Variants in PTPRG observed in about 807,000 individuals in gnomAD.
PTPRG encodes the protein protein tyrosine phosphatase receptor type G, also known as receptor-type tyrosine-protein phosphatase gamma.
A neutral mutation model predicts 165.3 loss-of-function variants in PTPRG; 102 were observed. That is an observed-to-expected ratio of 0.62 (90% CI 0.53 to 0.73). PTPRG has a LOEUF of 0.73. Ranked by LOEUF, PTPRG falls within the 30% of genes least tolerant of loss-of-function variation. The pLI is 0.00. For missense variants in PTPRG, 1,866 were observed against 1,861.4 expected (o/e 1.00, Z -0.05); for synonymous variants, 675 against 669.5 (o/e 1.01, Z -0.13).
At chr3:62,099,325 G>A (rs936920894) in intron 5 of PTPRG, among the ~76,000 whole-genome samples, 6 of 152,064 alleles carry the variant, frequency 3.9e-5, no homozygotes, top group African/African-American at 9.7e-5. Context: ...ACTAACCGTC[G>A]CTACTTCCTA....
intron 17 of PTPRG, among the ~76,000 whole-genome samples, chr3:62,266,835 TCA>T (rs879366480): frequency 1.0e-3 from 153 of 148,402 alleles, no homozygotes; most frequent in Non-Finnish European, 1.7e-3. Flanking sequence ...GATACACATG[TCA>T]TGCATCACCT....
chr3:62,244,494 C>A (rs528540462), intron 15 of PTPRG, among the ~76,000 whole-genome samples: 12 of 152,238 alleles, frequency 7.9e-5, no homozygotes, highest in Non-Finnish European at 1.5e-4. Context: ...TTTTATTTGG[C>A]ATCCCTTCTT....
chr3:62,215,556 C>A (rs1399100311), intron 12 of PTPRG, among the ~76,000 whole-genome samples: 2 of 144,300 alleles, frequency 1.4e-5, no homozygotes, highest in Non-Finnish European at 3.1e-5. Flanking sequence ...ACCCCCCCCC[C>A]CCGCCAATTA....
intron 2 of PTPRG, among the ~76,000 whole-genome samples, chr3:61,964,161 T>C (rs550747851): frequency 1.3e-5 from 2 of 152,362 alleles, no homozygotes; most frequent in African/African-American, 4.8e-5. Flanking sequence ...TAATGTGTTA[T>C]CTTTTCAGAA....
intron 5 of PTPRG, among the ~76,000 whole-genome samples, chr3:62,097,510 G>A (rs890540875): frequency 1.3e-5 from 2 of 150,770 alleles, no homozygotes; most frequent in East Asian, 4.0e-4. Context: ...GGTGGTGGGG[G>A]GCATATTTTT....
intron 23 of PTPRG, among the ~76,000 whole-genome samples, chr3:62,275,000 G>GA (rs1341363284): frequency 6.6e-6 from 1 of 151,788 alleles, no homozygotes; most frequent in Non-Finnish European, 1.5e-5. Flanking sequence ...AGCTCAAGAT[G>GA]AAGAAAAAAA....
intron 2 of PTPRG, among the ~76,000 whole-genome samples, chr3:61,976,724 G>A (rs1023910872): frequency 6.6e-6 from 1 of 151,200 alleles, no homozygotes; most frequent in African/African-American, 2.4e-5. Context: ...GCCCAGGCTG[G>A]CATCCAGTGG....
chr3:61,600,620 G>T (rs2106845636), intron 1 of PTPRG, among the ~76,000 whole-genome samples: 1 of 152,208 alleles, frequency 6.6e-6, no homozygotes, highest in South Asian at 2.1e-4. Context: ...GCCCACTGCA[G>T]CCTTAATCTC....
chr3:61,686,917 A>G (rs1553649819), intron 1 of PTPRG, among the ~76,000 whole-genome samples: 1 of 152,152 alleles, frequency 6.6e-6, no homozygotes, highest in Non-Finnish European at 1.5e-5. Flanking sequence ...CTTGAGAGGT[A>G]TGGGGAAGAG....
chr3:62,264,767 T>C (rs1448091641), intron 17 of PTPRG, among the ~76,000 whole-genome samples: 1 of 152,188 alleles, frequency 6.6e-6, no homozygotes, highest in Non-Finnish European at 1.5e-5. Context: ...GTACAAGTCT[T>C]TATGTAGACA....
intron 1 of PTPRG, among the ~76,000 whole-genome samples, chr3:61,719,521 G>T (rs570831216): frequency 1.3e-5 from 2 of 152,278 alleles, no homozygotes; most frequent in East Asian, 3.9e-4. Context: ...GCCTTCGGTG[G>T]TGTCTTTGTC....
chr3:62,080,378 C>A (rs534876961), intron 5 of PTPRG, among the ~76,000 whole-genome samples: 100 of 152,094 alleles, frequency 6.6e-4, no homozygotes, highest in African/African-American at 2.3e-3. Context: ...GCCCAGCCCC[C>A]TTCTGTTCTT....
At chr3:61,858,942 T>G (rs1171138308) in intron 2 of PTPRG, among the ~76,000 whole-genome samples, 1 of 152,160 alleles carries the variant, frequency 6.6e-6, no homozygotes, top group South Asian at 2.1e-4. Flanking sequence ...TCTTCCTGTT[T>G]GAGTAAATAG....
At position 61,563,162 on chromosome 3, in the gene PTPRG, CGGTTTCGGCGGCCGG is replaced by C. The variant is rs1575502830; in HGVS notation, c.85+792_85+806del. ...GCGGGGGCGGTTTCGGCGGCCGGGG[CGGTTTCGGCGGCCGG>C]GTTGCTGTTCGCGCCGGGGCTGATT... On this transcript the variant is annotated intron_variant, in intron 1 of 29. Coordinates refer to ENST00000474889, the MANE Select transcript of PTPRG (RefSeq NM_002841.4). Among the ~76,000 whole-genome samples, 5 of 56,092 alleles carry C rather than the reference CGGTTTCGGCGGCCGG, an allele frequency of 8.9e-5. No individual in the cohort carries two copies. In the East Asian group the frequency reaches 4.5e-3, roughly 51 times the overall value. The allele number at this position is 56,092 out of a possible 152,430, so 36.8% of individuals were successfully genotyped here.
chr3:62,143,818 C>T (rs937290280), intron 6 of PTPRG, among the ~76,000 whole-genome samples: 3 of 152,170 alleles, frequency 2.0e-5, no homozygotes, highest in Non-Finnish European at 4.4e-5. Flanking sequence ...AGTTTGGGAG[C>T]TGTGTGACCC....
At chr3:61,871,125 GTTA>G (rs199800811) in intron 2 of PTPRG, among the ~76,000 whole-genome samples, 5,904 of 115,092 alleles carry the variant, frequency 0.051, 333 homozygotes, top group East Asian at 0.27. Flanking sequence ...GTTATGTTAT[GTTA>G]TGTTGTGTTG....
chr3:61,670,420 T>G (rs966929697), intron 1 of PTPRG, among the ~76,000 whole-genome samples: 1 of 152,208 alleles, frequency 6.6e-6, no homozygotes, highest in Non-Finnish European at 1.5e-5. Context: ...AAGAGCACCT[T>G]GCCTTGTAGG....
At chr3:61,658,094 ACT>A (rs1483323572) in intron 1 of PTPRG, among the ~76,000 whole-genome samples, 1 of 152,044 alleles carries the variant, frequency 6.6e-6, no homozygotes, top group Non-Finnish European at 1.5e-5. Flanking sequence ...GAAGGACCTA[ACT>A]CTGATTTCTA....
At chr3:62,029,078 G>A (rs1458307343) in intron 4 of PTPRG, among the ~76,000 whole-genome samples, 2 of 152,120 alleles carry the variant, frequency 1.3e-5, no homozygotes, top group Non-Finnish European at 2.9e-5. Context: ...TCCTGTTTCC[G>A]GAAAATGGGG....
Sources: gnomAD v4.1 joint callset for allele counts (sites outside exome capture counted in the v4.1 genomes callset) on GRCh38, gnomAD v4.1.1 for gene constraint, MANE v1.5 for transcripts, NCBI Gene and HGNC (gene_info 2026-07-23, HGNC 2026-07-21) for gene names.